TRAM2: variants seen among roughly 807,000 people sequenced by gnomAD.
The protein encoded by TRAM2 is translocating chain-associated membrane protein 2.
Under a neutral mutation model 51.0 loss-of-function variants are expected in TRAM2, and 12 were observed. The observed-to-expected ratio is 0.24, with a 90% CI of 0.15 to 0.38. The LOEUF (loss-of-function observed/expected upper bound fraction) is 0.38. TRAM2 is among the 10% of genes least tolerant of loss of function. The pLI, the probability that TRAM2 is intolerant of heterozygous loss-of-function variation, is 1.00. For missense variants in TRAM2, 361 were observed against 462.0 expected, an observed-to-expected ratio of 0.78 and a Z score of 2.00; for synonymous variants, 175 against 179.4, an observed-to-expected ratio of 0.98 and a Z score of 0.20.
At chr6:52,522,967 G>A (rs1393777909) in intron 2 of TRAM2, 2 of 700,354 alleles carry the variant, frequency 2.9e-6, no homozygotes, top group Non-Finnish European at 5.2e-6. Context: ...GACCTCCTCT[G>A]CACAACCTGA....
intron 2 of TRAM2, among the ~76,000 whole-genome samples, chr6:52,526,256 C>A (rs1249431145): frequency 6.6e-6 from 1 of 151,680 alleles, no homozygotes; most frequent in African/African-American, 2.4e-5. Flanking sequence ...CCATTTTAAC[C>A]CCACATTGCA....
chr6:52,570,826 C>T (rs1178044638), intron 1 of TRAM2, among the ~76,000 whole-genome samples: 1 of 145,192 alleles, frequency 6.9e-6, no homozygotes, highest in Non-Finnish European at 1.5e-5. Context: ...CACACTCTGC[C>T]TCCATTTCCC....
At chr6:52,506,728 C>A (rs1051628749) in intron 7 of TRAM2, among the ~76,000 whole-genome samples, 1 of 152,146 alleles carries the variant, frequency 6.6e-6, no homozygotes, top group African/African-American at 2.4e-5. Flanking sequence ...AGCCTTCAGC[C>A]CTCAAAGACC....
chr6:52,543,175 TA>T (rs986454055), intron 1 of TRAM2, among the ~76,000 whole-genome samples: 1 of 151,864 alleles, frequency 6.6e-6, no homozygotes, highest in South Asian at 2.1e-4. Context: ...CATCCTCCCC[TA>T]AAAAAAAGCA....
chr6:52,535,825 G>C lies in TRAM2; in HGVS notation c.142C>G (p.Leu48Val). Residue 48 changes from leucine (L) to valine (V), a missense_variant, in exon 2 of 11, where the codon CTA becomes GTA. Leu to Val is a conservative substitution (Grantham distance 32). Coordinates refer to ENST00000182527, the MANE Select transcript of TRAM2 (RefSeq NM_012288.4). ...MFEVTAKTAF[L>V]FILPQYNISV... ...ATGTTATACTGAGGTAAAATAAATA[G>C]AAAGGCAGTCTTGGCTGTGACCTGT... 2 of 1,614,046 alleles carry C rather than the reference G, an allele frequency of 1.2e-6. No individual in the cohort carries two copies. Among genetic ancestry groups the C allele is most frequent in the Non-Finnish European group, 1.7e-6 (2 of 1,179,948 alleles).
intron 1 of TRAM2, among the ~76,000 whole-genome samples, chr6:52,547,344 T>A (rs2284809): frequency 0.72 from 109,603 of 152,072 alleles, 40,092 homozygotes; most frequent in Non-Finnish European, 0.77. Context: ...CCCAAGAGGG[T>A]GCACTGGGCC....
At chr6:52,553,888 T>C (rs1767354522) in intron 1 of TRAM2, among the ~76,000 whole-genome samples, 1 of 152,224 alleles carries the variant, frequency 6.6e-6, no homozygotes, top group African/African-American at 2.4e-5. Flanking sequence ...TCTTGTTTTT[T>C]ATCATTGCTT....
chr6:52,571,950 A>G (rs1190891360), intron 1 of TRAM2, among the ~76,000 whole-genome samples: 1 of 152,224 alleles, frequency 6.6e-6, no homozygotes, highest in Non-Finnish European at 1.5e-5. Context: ...CTGGGTAGTT[A>G]GGGTTAAAAT....
At chr6:52,506,229 G>A in intron 7 of TRAM2, 93 bp from the exon 8 acceptor site, 6 of 1,180,316 alleles carry the variant, frequency 5.1e-6, no homozygotes, top group Non-Finnish European at 7.5e-6. Context: ...CCCTGTGCCT[G>A]GCTGGGCTCT....
At chr6:52,538,208 C>CT (rs1376172339) in intron 1 of TRAM2, among the ~76,000 whole-genome samples, 1 of 152,236 alleles carries the variant, frequency 6.6e-6, no homozygotes, top group Admixed American at 6.5e-5. Flanking sequence ...ACACTCTACC[C>CT]TGCCTAGGCA....
At chr6:52,569,813 A>G (rs1459749430) in intron 1 of TRAM2, among the ~76,000 whole-genome samples, 1 of 152,152 alleles carries the variant, frequency 6.6e-6, no homozygotes, top group Non-Finnish European at 1.5e-5. Flanking sequence ...CAGGCACTTA[A>G]GCACTCAATA....
intron 1 of TRAM2, among the ~76,000 whole-genome samples, chr6:52,560,671 A>G (rs553530195): frequency 6.6e-6 from 1 of 152,240 alleles, no homozygotes; most frequent in South Asian, 2.1e-4. Context: ...ATGAACTCTA[A>G]CAACATTTGC....
rs58638023 is a variant in TRAM2, at chr6:52,573,871, C to T, written c.120+2925G>A. ...CGCGTGGGCTGATGGGGGAGAGGGA[C>T]CCAGCCCATTGGCAGAGGCACGACA... On this transcript the variant is annotated intron_variant, in intron 1 of 10. Transcript: ENST00000182527. Among the ~76,000 whole-genome samples the T allele has an allele frequency of 5.7e-3, 863 of 152,206 alleles. 11 individuals carry two copies. Among genetic ancestry groups the T allele is most frequent in the African/African-American group, 0.02 (810 of 41,524 alleles).
At chr6:52,550,999 T>C (rs1767299458) in intron 1 of TRAM2, among the ~76,000 whole-genome samples, 1 of 152,214 alleles carries the variant, frequency 6.6e-6, no homozygotes, top group Middle Eastern at 3.2e-3. Context: ...CCAACAGTGT[T>C]GATAACCCAC....
At chr6:52,576,567 G>C (rs1210848809) in intron 1 of TRAM2, among the ~76,000 whole-genome samples, 1 of 152,224 alleles carries the variant, frequency 6.6e-6, no homozygotes, top group Non-Finnish European at 1.5e-5. Context: ...GAGTGCCCAA[G>C]GGGGCGGCAG....
At chr6:52,539,452 C>T (rs894025115) in intron 1 of TRAM2, among the ~76,000 whole-genome samples, 2 of 152,018 alleles carry the variant, frequency 1.3e-5, no homozygotes, top group South Asian at 2.1e-4. Flanking sequence ...AAGGATCAAA[C>T]GTATCAGGGA....
chr6:52,509,472 AG>A, intron 5 of TRAM2, 55 bp downstream of exon 5: 2 of 1,565,536 alleles, frequency 1.3e-6, no homozygotes, highest in Non-Finnish European at 1.8e-6. Flanking sequence ...CCGCTGGGAC[AG>A]GAAGGCAGTG....
At chr6:52,565,428 C>A (rs1019162951) in intron 1 of TRAM2, among the ~76,000 whole-genome samples, 1 of 152,072 alleles carries the variant, frequency 6.6e-6, no homozygotes, top group African/African-American at 2.4e-5. Flanking sequence ...GCTTCGGTTC[C>A]GGTATAAACA....
intron 2 of TRAM2, among the ~76,000 whole-genome samples, chr6:52,517,903 G>A (rs1248946017): frequency 3.9e-5 from 6 of 152,172 alleles, no homozygotes; most frequent in Non-Finnish European, 8.8e-5. Context: ...AGTGGTGAGG[G>A]GGTGGGAGGA....
Sources: allele counts gnomAD v4.1 joint callset (sites outside exome capture counted in the v4.1 genomes callset), GRCh38; gene constraint gnomAD v4.1.1; transcripts MANE v1.5; gene names NCBI Gene and HGNC (gene_info 2026-07-23, HGNC 2026-07-21).